DENND4B: variants seen among roughly 807,000 people sequenced by gnomAD.
DENND4B encodes DENN domain-containing protein 4B.
In DENND4B, 67 loss-of-function variants were observed where a neutral mutation model predicts 161.0. The ratio of observed to expected loss-of-function variants is 0.42; its 90% confidence interval spans 0.34 to 0.51. The LOEUF (loss-of-function observed/expected upper bound fraction) is 0.51. Ranked by LOEUF, DENND4B falls within the 20% of genes least tolerant of loss-of-function variation. DENND4B has a pLI of 0.08. For missense variants in DENND4B, 1,481 were observed against 1,968.0 expected (o/e 0.75, Z 4.68); for synonymous variants, 753 against 813.8 (o/e 0.93, Z 1.27).
At position 153,937,908 on chromosome 1, in the gene DENND4B, G is replaced by A; in HGVS notation, c.1966-45C>T. 1 of 1,613,008 alleles carries A rather than the reference G, an allele frequency of 6.2e-7. No individual in the cohort carries two copies. The highest frequency in any genetic ancestry group is 8.5e-7 in the Non-Finnish European group (1 of 1,179,354). On this transcript the variant is annotated intron_variant, in intron 13 of 27. Transcript: ENST00000361217. The surrounding 1 kb of genome is among the most constrained non-coding windows in gnomAD (Gnocchi z 4.7). ...GAGCAAGTGTTGAGATGGTGGGCAT[G>A]GAGCAGAGCCAGGGTGTCTAGACGA... is the stretch of plus-strand genomic sequence containing the variant.
chr1:153,942,956 G>A lies in DENND4B; in HGVS notation c.492C>T (p.Leu164=), dbSNP rs1679760284. The change falls in exon 3 of 28, where the codon CTC becomes CTT. Residue 164 remains leucine (L), a synonymous_variant. Transcript: ENST00000361217. This position sits in a 1 kb window ranked among gnomAD's most constrained non-coding sequence, Gnocchi z 6.9. ...CGCCCTTACTGGGCAGCACCAGGCA[G>A]AGGTCAGTGATGCCCAGGGCATGCA... ...AGLHALGITD[L]CLVLPSKGEG... 1 of 1,613,866 alleles carries A rather than the reference G, an allele frequency of 6.2e-7. No homozygotes were observed. The highest frequency in any genetic ancestry group is 8.5e-7 in the Non-Finnish European group (1 of 1,179,796).
chr1:153,939,939 T>C (rs1391204265), intron 11 of DENND4B, 135 bp from the exon 12 acceptor site: 2 of 907,312 alleles, frequency 2.2e-6, no homozygotes, highest in Admixed American at 5.2e-5. Context: ...TACCTTCAAC[T>C]AACAGGTTCA....
At chr1:153,938,750 AAAAT>A (rs1045078853) in intron 13 of DENND4B, 146 bp downstream of exon 13, 66 of 424,404 alleles carry the variant, frequency 1.6e-4, no homozygotes, top group African/African-American at 3.9e-4. Context: ...ATTAAAAATT[AAAAT>A]AAATAAATAA....
At position 153,936,362 on chromosome 1, in the gene DENND4B, C is replaced by T. The variant is rs531817071; in HGVS notation, c.2440-174G>A. Among the ~76,000 whole-genome samples the T allele has an allele frequency of 2.0e-5, 3 of 152,344 alleles. No individual in the cohort carries two copies. The highest frequency in any genetic ancestry group is 2.0e-4 in the Admixed American group (3 of 15,300). Reference sequence around the variant, plus strand: ...TCTGCTGACCCTGCCACCCTACAGTCTTCACTGCTAAACCCTGAACATGCT... The same window carrying T: ...TCTGCTGACCCTGCCACCCTACAGTTTTCACTGCTAAACCCTGAACATGCT... On this transcript the variant is annotated intron_variant, in intron 16 of 27. Transcript: ENST00000361217. The surrounding 1 kb of genome is among the most constrained non-coding windows in gnomAD (Gnocchi z 4.1).
Position 153,946,534 on chromosome 1 carries a change from G to A in DENND4B, c.-257C>T. On this transcript the variant is annotated 5_prime_UTR_variant, in exon 1 of 28. Transcript: ENST00000361217. This position sits in a 1 kb window ranked among gnomAD's most constrained non-coding sequence, Gnocchi z 6.3. The stretch of plus-strand genomic sequence containing the variant: ...GTCCCCGCCGCGCTGCGCCACGCGG[G>A]GACTGTGCTGCCGCGCTGCTCGCTC... The A allele has an allele frequency of 2.6e-6, 1 of 390,150 alleles. No homozygotes were observed. Among genetic ancestry groups the A allele is most frequent in the Non-Finnish European group, 4.5e-6 (1 of 220,462 alleles). 24.2% of individuals were successfully genotyped at this position (390,150 alleles called of 1,614,324 possible). A position where few individuals can be genotyped will look rare whatever the true frequency, so the allele number is the denominator to read the frequency against.
rs1679068700 is a variant in DENND4B at position 153,933,119 on chromosome 1, C to T, written c.3453+78G>A. On this transcript the variant is annotated intron_variant, in intron 21 of 27. Coordinates refer to ENST00000361217, the MANE Select transcript of DENND4B (RefSeq NM_014856.3). This position sits in a 1 kb window ranked among gnomAD's most constrained non-coding sequence, Gnocchi z 5.7. Reference sequence around the variant, plus strand: ...CCTTCCCCAGCCCCTCCCACCTCCTCCCCATCTCCTGCCTTGGACAGGGTG... The same window carrying T: ...CCTTCCCCAGCCCCTCCCACCTCCTTCCCATCTCCTGCCTTGGACAGGGTG... The T allele has an allele frequency of 1.2e-6, 2 of 1,610,216 alleles. No homozygotes were observed. The highest frequency in any genetic ancestry group is 1.1e-5 in the South Asian group (1 of 90,884).
chr1:153,941,773 C>CGGGGGGG, intron 6 of DENND4B, 96 bp downstream of exon 6: 58 of 1,426,264 alleles, frequency 4.1e-5, no homozygotes, highest in Middle Eastern at 2.6e-4. Flanking sequence ...ACCCTGTGCC[C>CGGGGGGG]AGCCCTCCCC....
intron 24 of DENND4B, among the ~76,000 whole-genome samples, chr1:153,931,574 T>C (rs1678934663): frequency 6.7e-6 from 1 of 148,342 alleles, no homozygotes; most frequent in Non-Finnish European, 1.5e-5. Context: ...CTCAGCTCAC[T>C]GCAAGCTTCG....
Position 153,937,702 on chromosome 1 carries a change from G to A in DENND4B, c.2105+22C>T. ...ACCAGTCTATGGGACCCTGGAACATGTGAAGGCTAAGAGACTCTCACCAGT... is the reference window on the plus strand; with the variant it reads ...ACCAGTCTATGGGACCCTGGAACATATGAAGGCTAAGAGACTCTCACCAGT... On this transcript the variant is annotated intron_variant, in intron 14 of 27. Transcript: ENST00000361217. The surrounding 1 kb of genome is among the most constrained non-coding windows in gnomAD (Gnocchi z 4.7). 6.2e-7 allele frequency: 1 copy of A among 1,614,034 alleles called. No homozygotes were observed. Among genetic ancestry groups the A allele is most frequent in the East Asian group, 2.2e-5 (1 of 44,890 alleles).
In DENND4B at chr1:153,937,706, A is replaced by G. The variant is rs781562463; in HGVS notation, c.2105+18T>C. 6.2e-7 allele frequency: 1 copy of G among 1,614,004 alleles called. No individual in the cohort carries two copies. Among genetic ancestry groups the G allele is most frequent in the South Asian group, 1.1e-5 (1 of 91,088 alleles). Reference sequence around the variant, plus strand: ...GTCTATGGGACCCTGGAACATGTGAAGGCTAAGAGACTCTCACCAGTACTG... The same window carrying G: ...GTCTATGGGACCCTGGAACATGTGAGGGCTAAGAGACTCTCACCAGTACTG... On this transcript the variant is annotated intron_variant, in intron 14 of 27. Coordinates refer to ENST00000361217, the MANE Select transcript of DENND4B (RefSeq NM_014856.3). The surrounding 1 kb of genome is among the most constrained non-coding windows in gnomAD (Gnocchi z 4.7).
At position 153,931,037 on chromosome 1, in the gene DENND4B, G is replaced by T. The variant is rs756436696; in HGVS notation, c.4024C>A (p.Pro1342Thr). 1 of 1,612,170 alleles carries T rather than the reference G, an allele frequency of 6.2e-7. No homozygotes were observed. The highest frequency in any genetic ancestry group is 8.5e-7 in the Non-Finnish European group (1 of 1,179,282). Reference sequence around the variant, plus strand: ...AGCAGCCGTACCTGAACAGAGGCTGGATCAGGGGTTAGCCAAGGAGATGGG... The same window carrying T: ...AGCAGCCGTACCTGAACAGAGGCTGTATCAGGGGTTAGCCAAGGAGATGGG... Reference protein sequence around the residue: ...QAPSPWLTPDPASVQVRLLWD... With the variant: ...QAPSPWLTPDTASVQVRLLWD... The change falls in exon 25 of 28, where the codon CCA becomes ACA. Residue 1342 changes from proline (P) to threonine (T), a missense_variant. By Grantham distance (38) the Pro-to-Thr change is conservative. Around this residue, in one of 3 missense-constraint regions of DENND4B, gnomAD observed 336 missense variants for 503.3 expected, o/e 0.67. Coordinates refer to ENST00000361217, the MANE Select transcript of DENND4B (RefSeq NM_014856.3).
At position 153,942,427 on chromosome 1, in the gene DENND4B, A is replaced by C; in HGVS notation, c.641-71T>G. On this transcript the variant is annotated intron_variant, in intron 4 of 27. Transcript: ENST00000361217. This position sits in a 1 kb window ranked among gnomAD's most constrained non-coding sequence, Gnocchi z 6.9. The stretch of plus-strand genomic sequence containing the variant: ...ATCAGACTCCAAGGGAAATGAACCA[A>C]GGGATCCCAGAGAAGGCCCGAGTAG... 1 of 1,580,578 alleles carries C rather than the reference A, an allele frequency of 6.3e-7. No individual in the cohort carries two copies. The highest frequency in any genetic ancestry group is 8.6e-7 in the Non-Finnish European group (1 of 1,163,026).
In DENND4B at chr1:153,944,893, C is replaced by T. The variant is rs6680140; in HGVS notation, c.-23-496G>A. ...CCACTCCTAGGTTTTTAAGAGGACC[C>T]CATGGGTTTCTGAGAAAGCCCACAA... On this transcript the variant is annotated intron_variant, in intron 1 of 27. Transcript: ENST00000361217. The surrounding 1 kb of genome is among the most constrained non-coding windows in gnomAD (Gnocchi z 4.8). Among the ~76,000 whole-genome samples, 41,022 of 152,034 alleles carry T rather than the reference C, an allele frequency of 0.27. 6,093 individuals are homozygous for T. Among genetic ancestry groups the T allele is most frequent in the Admixed American group, 0.38 (5,852 of 15,256 alleles).
intron 17 of DENND4B, among the ~76,000 whole-genome samples, chr1:153,935,598 C>T (rs1347507932): frequency 1.3e-5 from 2 of 152,232 alleles, no homozygotes; most frequent in Non-Finnish European, 2.9e-5. Flanking sequence ...CTGCCTGCCT[C>T]AGCCTCCCAA....
Position 153,932,954 on chromosome 1 carries a change from G to A in DENND4B, c.3530C>T (p.Ala1177Val). 6.2e-7 allele frequency: 1 copy of A among 1,614,024 alleles called. No homozygotes were observed. The highest frequency in any genetic ancestry group is 8.5e-7 in the Non-Finnish European group (1 of 1,179,890). ...TGTGTTGAGGTTAGAGTCATCAGGT[G>A]CCCAGCCAGCCATGATTTCCTCATC... ...VYDEEIMAGW[A>V]PDDSNLNTTC... The change falls in exon 22 of 28, where the codon GCA becomes GTA. Residue 1177 changes from alanine (A) to valine (V), a missense_variant. Around this residue, in one of 3 missense-constraint regions of DENND4B, gnomAD observed 336 missense variants for 503.3 expected, o/e 0.67. Coordinates refer to ENST00000361217, the MANE Select transcript of DENND4B (RefSeq NM_014856.3). The surrounding 1 kb of genome is among the most constrained non-coding windows in gnomAD (Gnocchi z 5.8).
chr1:153,936,688 G>T lies in DENND4B; in HGVS notation c.2293C>A (p.Arg765=). The T allele has an allele frequency of 6.2e-7, 1 of 1,612,316 alleles. No individual in the cohort carries two copies. The highest frequency in any genetic ancestry group is 8.5e-7 in the Non-Finnish European group (1 of 1,179,090). ...KSAAVPELWA[R]CLLGHCYGLW... ...CCATAGCAGTGCCCCAGCAGGCACC[G>T]GGCCCACAGCTCAGGCACAGCTGCT... The change falls in exon 16 of 28, where the codon CGG becomes AGG. Residue 765 remains arginine, a synonymous_variant. Transcript: ENST00000361217. This position sits in a 1 kb window ranked among gnomAD's most constrained non-coding sequence, Gnocchi z 4.1.
chr1:153,941,227 A>C lies in DENND4B; in HGVS notation c.1181+4T>G. 6.2e-7 allele frequency: 1 copy of C among 1,613,750 alleles called. No homozygotes were observed. Among genetic ancestry groups the C allele is most frequent in the Non-Finnish European group, 8.5e-7 (1 of 1,179,810 alleles). ...GCTCCCCTCCCCACAATCTGATCAC[A>C]TACCTGAGGGGCAGGGGTGAGGATA... On this transcript the variant is annotated splice_donor_region_variant and intron_variant, in intron 8 of 27. Coordinates refer to ENST00000361217, the MANE Select transcript of DENND4B (RefSeq NM_014856.3).
chr1:153,936,893 T>C lies in DENND4B; in HGVS notation c.2233-145A>G, dbSNP rs576523781. 334 of 753,090 alleles carry C rather than the reference T, an allele frequency of 4.4e-4. No individual in the cohort carries two copies. Among genetic ancestry groups the C allele is most frequent in the South Asian group, 4.1e-3 (169 of 40,906 alleles). The allele number at this position is 753,090 out of a possible 1,614,324, so 46.7% of individuals were successfully genotyped here. Reference sequence around the variant, plus strand: ...ATCTTGGCTCACTGCAGACTCGGCCTCCTGGGCTCAAGCGATTCTCCCACC... The same window carrying C: ...ATCTTGGCTCACTGCAGACTCGGCCCCCTGGGCTCAAGCGATTCTCCCACC... On this transcript the variant is annotated intron_variant, in intron 15 of 27. Coordinates refer to ENST00000361217, the MANE Select transcript of DENND4B (RefSeq NM_014856.3). The surrounding 1 kb of genome is among the most constrained non-coding windows in gnomAD (Gnocchi z 4.1).
At position 153,934,296 on chromosome 1, in the gene DENND4B, T is replaced by C. The variant is rs1195076253; in HGVS notation, c.2780A>G (p.Tyr927Cys). The C allele has an allele frequency of 6.3e-7, 1 of 1,584,850 alleles. No homozygotes were observed. ...GCGAGTAGGGGAAGGGCGCTCCAAA[T>C]AGGGCTCTGTAAAAGACGAGAAGGG... ...QEAGSSQAEP[Y>C]LERPSPTRPL... The change falls in exon 19 of 28, where the codon TAT becomes TGT. Residue 927 changes from tyrosine to cysteine, a missense_variant. Coordinates refer to ENST00000361217, the MANE Select transcript of DENND4B (RefSeq NM_014856.3). This position sits in a 1 kb window ranked among gnomAD's most constrained non-coding sequence, Gnocchi z 5.3.
Sources: allele counts gnomAD v4.1 joint callset (sites outside exome capture counted in the v4.1 genomes callset), GRCh38; gene constraint gnomAD v4.1.1; regional missense constraint gnomAD v4.1.1; non-coding constraint Gnocchi (gnomAD v3.1); transcripts MANE v1.5; gene names NCBI Gene and HGNC (gene_info 2026-07-23, HGNC 2026-07-21).